DDX4: variants seen among roughly 807,000 people sequenced by gnomAD.
DDX4 encodes the protein probable ATP-dependent RNA helicase DDX4.
A neutral mutation model predicts 100.0 loss-of-function variants in DDX4; 25 were observed. That is an observed-to-expected ratio of 0.25 (90% confidence interval 0.18 to 0.35). DDX4 has a LOEUF of 0.35. DDX4 is among the 10% of genes least tolerant of loss of function. DDX4 has a pLI of 1.00. For synonymous variants in DDX4, 259 were observed against 275.7 expected (o/e 0.94, Z 0.60); for missense variants, 635 against 882.4 (o/e 0.72, Z 3.55).
At position 55,792,640 on chromosome 5, in the gene DDX4, G is replaced by T; in HGVS notation, c.1303-1G>T. 6.6e-7 allele frequency: 1 copy of T among 1,508,372 alleles called. No homozygotes were observed. The highest frequency in any genetic ancestry group is 9.0e-7 in the Non-Finnish European group (1 of 1,116,678). 93.4% of individuals were successfully genotyped at this position (1,508,372 alleles called of 1,614,324 possible). On this transcript the variant is annotated splice_acceptor_variant, in intron 16 of 21. Transcript: ENST00000505374. LOFTEE classifies it high-confidence loss of function. Reference sequence around the variant, plus strand: ...TTTTACCTTTGAAAATATCCTTAAAGATTGGTCTCAAACAGATCAAATACT... The same window carrying T: ...TTTTACCTTTGAAAATATCCTTAAATATTGGTCTCAAACAGATCAAATACT...
At chr5:55,774,647 T>G (rs1741453052) in intron 7 of DDX4, among the ~76,000 whole-genome samples, 1 of 152,236 alleles carries the variant, frequency 6.6e-6, no homozygotes, top group African/African-American at 2.4e-5. Context: ...TTTTATAGTT[T>G]TAGTTCTTAC....
At position 55,785,812 on chromosome 5, in the gene DDX4, G is replaced by A. The variant is rs760178124; in HGVS notation, c.805G>A (p.Asp269Asn). ...ACATTATCAGACAGGCATAAACTTC[G>A]ACAAATACGACACTATTCTTGTGGA... ...FAHYQTGINF[D>N]KYDTILVEVS... The change falls in exon 13 of 22, where the codon GAC becomes AAC. Residue 269 changes from aspartate (D) to asparagine (N), a missense_variant. By Grantham distance (23) the Asp-to-Asn change is conservative. Around this residue, in one of 4 missense-constraint regions of DDX4, gnomAD observed 446 missense variants for 540.8 expected, o/e 0.82. Transcript: ENST00000505374. 1.2e-6 allele frequency: 2 copies of A among 1,609,340 alleles called. No homozygotes were observed. Among genetic ancestry groups the A allele is most frequent in the Non-Finnish European group, 1.7e-6 (2 of 1,175,770 alleles).
intron 17 of DDX4, among the ~76,000 whole-genome samples, chr5:55,794,963 C>CG (rs1742832037): frequency 7.1e-6 from 1 of 140,876 alleles, no homozygotes; most frequent in African/African-American, 2.6e-5. Context: ...AGCCCCAGAC[C>CG]TTTTTTTTTT....
intron 18 of DDX4, among the ~76,000 whole-genome samples, chr5:55,808,757 G>A (rs1050292744): frequency 3.3e-5 from 5 of 152,214 alleles, no homozygotes; most frequent in Non-Finnish European, 7.3e-5. Context: ...AGGCTCCTTG[G>A]GGGTCAGGGA....
intron 5 of DDX4, 123 bp from the exon 6 acceptor site, chr5:55,763,891 T>C (rs1332982507): frequency 1.5e-6 from 1 of 657,530 alleles, no homozygotes; most frequent in Admixed American, 2.5e-5. Context: ...AATTTGCATG[T>C]GATAGCTATG....
chr5:55,781,865 C>T lies in DDX4; in HGVS notation c.578-69C>T, dbSNP rs1741932365. 6 of 1,533,250 alleles carry T rather than the reference C, an allele frequency of 3.9e-6. No homozygotes were observed. The Admixed American group carries it at 1.0e-4, about 26-fold the overall frequency. The allele number at this position is 1,533,250 out of a possible 1,614,324, so 95.0% of individuals were successfully genotyped here. A position where few individuals can be genotyped will look rare whatever the true frequency, so the allele number is the denominator to read the frequency against. On this transcript the variant is annotated intron_variant, in intron 9 of 21. Transcript: ENST00000505374. Reference sequence around the variant, plus strand: ...TAATAACTTTGTTGAATAGAAATAACAACATGGTTTGTGTGCTTGAGCAGC... The same window carrying T: ...TAATAACTTTGTTGAATAGAAATAATAACATGGTTTGTGTGCTTGAGCAGC...
intron 2 of DDX4, among the ~76,000 whole-genome samples, chr5:55,739,775 C>A (rs1580499309): frequency 1.3e-5 from 2 of 152,180 alleles, no homozygotes; most frequent in Admixed American, 1.3e-4. Context: ...ATAAAATATG[C>A]AATCTTTTGT....
intron 17 of DDX4, among the ~76,000 whole-genome samples, chr5:55,797,854 A>G (rs772255470): frequency 2.6e-5 from 4 of 152,156 alleles, no homozygotes; most frequent in Non-Finnish European, 5.9e-5. Flanking sequence ...TGGGCCTTTC[A>G]TCTCGTCTCA....
chr5:55,739,000 C>A lies in DDX4; in HGVS notation c.37C>A (p.His13Asn). The A allele has an allele frequency of 6.2e-7, 1 of 1,605,508 alleles. No individual in the cohort carries two copies. Among genetic ancestry groups the A allele is most frequent in the South Asian group, 1.1e-5 (1 of 90,666 alleles). The change falls in exon 2 of 22, where the codon CAT (histidine) becomes AAT (asparagine). Residue 13 changes from histidine (H) to asparagine (N), a missense_variant. His to Asn is a moderately conservative substitution (Grantham distance 68). Coordinates refer to ENST00000505374, the MANE Select transcript of DDX4 (RefSeq NM_024415.3). ...DEDWEAEINPHMSSYVPIFEK... is the reference protein window; with the variant it reads ...DEDWEAEINPNMSSYVPIFEK... ...AGATTGGGAAGCAGAAATCAACCCTCATATGTCTTCCTATGTTCCCATATT... is the reference window on the plus strand; with the variant it reads ...AGATTGGGAAGCAGAAATCAACCCTAATATGTCTTCCTATGTTCCCATATT...
intron 17 of DDX4, among the ~76,000 whole-genome samples, chr5:55,793,486 G>A (rs1742723050): frequency 6.6e-6 from 1 of 152,184 alleles, no homozygotes; most frequent in African/African-American, 2.4e-5. Flanking sequence ...TTATCGGGAT[G>A]TTAACCCTGT....
At chr5:55,763,290 G>A (rs1272111556) in intron 5 of DDX4, 38 bp downstream of exon 5, 4 of 1,317,520 alleles carry the variant, frequency 3.0e-6, no homozygotes, top group Middle Eastern at 2.0e-4. Flanking sequence ...ATCAAAACTT[G>A]AGTGATTTTT....
At chr5:55,766,934 G>A in intron 6 of DDX4, 1 of 1,514,254 alleles carries the variant, frequency 6.6e-7, no homozygotes, top group South Asian at 1.2e-5. Flanking sequence ...CTGGGAATGG[G>A]GTCTAGGAAT....
At chr5:55,777,262 C>T (rs1180657622) in intron 7 of DDX4, among the ~76,000 whole-genome samples, 1 of 152,040 alleles carries the variant, frequency 6.6e-6, no homozygotes, top group Non-Finnish European at 1.5e-5. Context: ...AATAAAAGAC[C>T]TATGTATCAG....
At chr5:55,744,025 G>A (rs745352028) in intron 2 of DDX4, among the ~76,000 whole-genome samples, 1 of 147,956 alleles carries the variant, frequency 6.8e-6, no homozygotes, top group Non-Finnish European at 1.5e-5. Context: ...TTGTTTTAAT[G>A]TCTGTGGTAG....
chr5:55,792,793 A>G lies in DDX4; in HGVS notation c.1455A>G (p.Pro485=), dbSNP rs1415099632. 1 of 1,425,268 alleles carries G rather than the reference A, an allele frequency of 7.0e-7. No individual in the cohort carries two copies. The highest frequency in any genetic ancestry group is 2.6e-5 in the East Asian group (1 of 38,872). The allele number at this position is 1,425,268 out of a possible 1,614,324, so 88.3% of individuals were successfully genotyped here. A position where few individuals can be genotyped will look rare whatever the true frequency, so the allele number is the denominator to read the frequency against. Residue 485 remains proline, a synonymous_variant, in exon 17 of 22, where the codon CCA becomes CCG. Coordinates refer to ENST00000505374, the MANE Select transcript of DDX4 (RefSeq NM_024415.3). ...CCCTTATGTTCAGTGCAACTTTTCC[A>G]GAGGAAATTCAAAGGTTAAGTTTTT... ...RQTLMFSATF[P]EEIQRLAAEF... is the part of the protein sequence containing the mutation.
rs992711701 is a variant in DDX4, at chr5:55,763,915, A to G, written c.284-99A>G. On this transcript the variant is annotated intron_variant, in intron 5 of 21. Coordinates refer to ENST00000505374, the MANE Select transcript of DDX4 (RefSeq NM_024415.3). ...GTGATAGCTATGTATACAATTGTGT[A>G]TCGCTTATCTTAGAAGGCATCATAA... is the stretch of plus-strand genomic sequence containing the variant. 3.7e-6 allele frequency: 3 copies of G among 801,412 alleles called. No individual in the cohort carries two copies. In the African/African-American group the frequency reaches 5.1e-5, roughly 14 times the overall value. The allele number at this position is 801,412 out of a possible 1,614,324, so 49.6% of individuals were successfully genotyped here. A position where few individuals can be genotyped will look rare whatever the true frequency, so the allele number is the denominator to read the frequency against.
intron 3 of DDX4, among the ~76,000 whole-genome samples, chr5:55,759,347 G>GT (rs577306270): frequency 2.2e-3 from 326 of 147,194 alleles, no homozygotes; most frequent in Middle Eastern, 0.011. Flanking sequence ...TCCATTGTGA[G>GT]TTTTTTTTTT....
intron 18 of DDX4, among the ~76,000 whole-genome samples, chr5:55,803,735 A>G (rs1250489881): frequency 6.6e-6 from 1 of 151,948 alleles, no homozygotes; most frequent in Admixed American, 6.6e-5. Context: ...ATTGTTGGAC[A>G]TTTGGGTTGG....
chr5:55,812,772 T>C (rs1050007171), intron 18 of DDX4, among the ~76,000 whole-genome samples: 1 of 152,092 alleles, frequency 6.6e-6, no homozygotes, highest in Non-Finnish European at 1.5e-5. Flanking sequence ...AGTAATCATC[T>C]CTGGACCCTT....
Sources: gnomAD v4.1 joint callset for allele counts (sites outside exome capture counted in the v4.1 genomes callset) on GRCh38, gnomAD v4.1.1 for gene constraint, gnomAD v4.1.1 regional missense constraint, MANE v1.5 for transcripts, NCBI Gene and HGNC (gene_info 2026-07-23, HGNC 2026-07-21) for gene names.